Variants in EXOC6B observed in about 807,000 individuals in gnomAD.
The protein encoded by EXOC6B is exocyst complex component 6B, also known as SEC15 homolog B.
A neutral mutation model predicts 113.5 loss-of-function variants in EXOC6B; 54 were observed. The observed-to-expected ratio is 0.48, with a 90% CI of 0.38 to 0.60. The LOEUF (loss-of-function observed/expected upper bound fraction) is 0.60. Among genes scored for constraint, EXOC6B ranks in the 20% least tolerant of loss-of-function variants. The probability of loss-of-function intolerance (pLI) is 0.00; values close to 1 mark genes in which losing one functional copy is unlikely to be tolerated. For missense variants in EXOC6B, 797 were observed against 977.5 expected, an observed-to-expected ratio of 0.82 and a Z score of 2.46; for synonymous variants, 357 against 339.0, an observed-to-expected ratio of 1.05 and a Z score of -0.58.
chr2:72,345,852 T>C (rs1689298578), intron 19 of EXOC6B, among the ~76,000 whole-genome samples: 1 of 152,188 alleles, frequency 6.6e-6, no homozygotes, highest in Admixed American at 6.5e-5. Context: ...GATGTGTCAC[T>C]GTATATTCAC....
intron 6 of EXOC6B, among the ~76,000 whole-genome samples, chr2:72,589,475 C>T (rs1401628502): frequency 2.0e-5 from 3 of 151,518 alleles, no homozygotes; most frequent in African/African-American, 7.3e-5. Context: ...AAATGCAAAA[C>T]AGTCAGTAGT....
chr2:72,764,404 C>G (rs1460678533), intron 1 of EXOC6B, among the ~76,000 whole-genome samples: 1 of 119,084 alleles, frequency 8.4e-6, no homozygotes, highest in Non-Finnish European at 1.6e-5. Context: ...CAGAGTCTCA[C>G]TCTGTTGCCC....
chr2:72,599,379 T>C (rs1670266806), intron 6 of EXOC6B, among the ~76,000 whole-genome samples: 1 of 152,042 alleles, frequency 6.6e-6, no homozygotes, highest in Non-Finnish European at 1.5e-5. Context: ...CTCAGCAAAC[T>C]GCTAATAGAA....
chr2:72,385,710 G>A (rs1217995696), intron 18 of EXOC6B, among the ~76,000 whole-genome samples: 1 of 152,086 alleles, frequency 6.6e-6, no homozygotes, highest in African/African-American at 2.4e-5. Context: ...GATCTGAATA[G>A]ACATTTCTCA....
intron 18 of EXOC6B, among the ~76,000 whole-genome samples, chr2:72,457,712 T>G (rs943533851): frequency 6.6e-6 from 1 of 152,000 alleles, no homozygotes; most frequent in South Asian, 2.1e-4. Context: ...TGAAAAAAAA[T>G]GTCTGTGTAC....
At chr2:72,711,838 G>A (rs1458343078) in intron 6 of EXOC6B, among the ~76,000 whole-genome samples, 1 of 152,096 alleles carries the variant, frequency 6.6e-6, no homozygotes, top group Non-Finnish European at 1.5e-5. Flanking sequence ...CTGGACCAAG[G>A]GGTGATTCTG....
intron 20 of EXOC6B, among the ~76,000 whole-genome samples, chr2:72,323,565 G>T (rs899059032): frequency 6.6e-6 from 1 of 152,092 alleles, no homozygotes; most frequent in Non-Finnish European, 1.5e-5. Flanking sequence ...ATTCACAATA[G>T]CAAAGACTTG....
At chr2:72,610,218 GA>G (rs1473714407) in intron 6 of EXOC6B, among the ~76,000 whole-genome samples, 2 of 152,090 alleles carry the variant, frequency 1.3e-5, no homozygotes, top group South Asian at 2.1e-4. Context: ...CCATTTAAAA[GA>G]TATAAAAAAC....
intron 1 of EXOC6B, among the ~76,000 whole-genome samples, chr2:72,815,921 G>A (rs907817831): frequency 6.6e-6 from 1 of 152,190 alleles, no homozygotes; most frequent in Non-Finnish European, 1.5e-5. Flanking sequence ...TACTTTGGGA[G>A]GCCAAGGCGG....
chr2:72,810,336 A>AAAATAAATAAAT (rs150111513), intron 1 of EXOC6B, among the ~76,000 whole-genome samples: 11 of 140,248 alleles, frequency 7.8e-5, no homozygotes, highest in Admixed American at 2.9e-4. Flanking sequence ...CCTTGTCTCT[A>AAAATAAATAAAT]AAATAAATAA....
intron 18 of EXOC6B, among the ~76,000 whole-genome samples, chr2:72,380,912 A>T (rs1691642904): frequency 6.6e-6 from 1 of 152,222 alleles, no homozygotes; most frequent in Admixed American, 6.5e-5. Context: ...TAAAAACACT[A>T]TGATCAAATT....
At chr2:72,764,945 C>T (rs1312304669) in intron 1 of EXOC6B, among the ~76,000 whole-genome samples, 2 of 152,086 alleles carry the variant, frequency 1.3e-5, no homozygotes, top group East Asian at 3.9e-4. Context: ...CTCCTTTCTC[C>T]TGCTCCAATC....
chr2:72,472,028 TTATTTGCATATACTAAACCATCC>T (rs1476210515), intron 17 of EXOC6B, among the ~76,000 whole-genome samples: 23 of 152,334 alleles, frequency 1.5e-4, no homozygotes, highest in African/African-American at 5.1e-4. Flanking sequence ...TCACATTTAC[TTATTTGCATATACTAAACCATCC>T]TTGCACTCTT....
rs1212070065 is a variant in EXOC6B, at chr2:72,678,682, G to T, written c.669+39421C>A. On this transcript the variant is annotated intron_variant, in intron 6 of 21. Coordinates refer to ENST00000272427, the MANE Select transcript of EXOC6B (RefSeq NM_015189.3). ...GATCGTGCCACTGCCCTCCAGCCTG[G>T]GTGACAGAGCAAGACTCTGTCTCCA... Among the ~76,000 whole-genome samples the T allele has an allele frequency of 5.9e-5, 9 of 152,148 alleles. No individual in the cohort carries two copies. The East Asian group carries it at 1.7e-3, about 29-fold the overall frequency.
chr2:72,792,526 A>G (rs1684730210), intron 1 of EXOC6B, among the ~76,000 whole-genome samples: 1 of 152,156 alleles, frequency 6.6e-6, no homozygotes, highest in Non-Finnish European at 1.5e-5. Context: ...CCCTAGCAAA[A>G]GCCTATAGCA....
At chr2:72,537,338 T>C (rs1558773352) in intron 8 of EXOC6B, among the ~76,000 whole-genome samples, 1 of 151,806 alleles carries the variant, frequency 6.6e-6, no homozygotes, top group Non-Finnish European at 1.5e-5. Context: ...GCGGGCTGGC[T>C]CACACCTGTA....
At chr2:72,239,651 C>T (rs78327724) in intron 20 of EXOC6B, among the ~76,000 whole-genome samples, 1 of 152,092 alleles carries the variant, frequency 6.6e-6, no homozygotes, top group Non-Finnish European at 1.5e-5. Context: ...ATTGTTTTGA[C>T]TGTTCTTTGT....
intron 6 of EXOC6B, among the ~76,000 whole-genome samples, chr2:72,658,558 T>C (rs1223723685): frequency 6.6e-6 from 1 of 151,802 alleles, no homozygotes; most frequent in Non-Finnish European, 1.5e-5. Flanking sequence ...AACTAATCAC[T>C]CTGACACTAT....
intron 19 of EXOC6B, among the ~76,000 whole-genome samples, chr2:72,378,916 G>A (rs1161762203): frequency 6.6e-6 from 1 of 152,104 alleles, no homozygotes; most frequent in Non-Finnish European, 1.5e-5. Flanking sequence ...CAATAATGAT[G>A]CTCCTATTTT....
Sources: gnomAD v4.1 joint callset for allele counts (sites outside exome capture counted in the v4.1 genomes callset) on GRCh38, gnomAD v4.1.1 for gene constraint, MANE v1.5 for transcripts, NCBI Gene and HGNC (gene_info 2026-07-23, HGNC 2026-07-21) for gene names.